Variants in SYNPR observed in about 807,000 individuals in gnomAD.
SYNPR encodes synaptoporin.
SYNPR carries 23 observed loss-of-function variants against 32.9 expected under a neutral mutation model. The ratio of observed to expected loss-of-function variants is 0.70; its 90% confidence interval spans 0.50 to 0.99. SYNPR has a LOEUF of 0.99. Among genes scored for constraint, SYNPR ranks in the 50% least tolerant of loss-of-function variants. The pLI is 0.00. For synonymous variants in SYNPR, 146 were observed against 135.9 expected, an observed-to-expected ratio of 1.07 and a Z score of -0.52; for missense variants, 318 against 349.3, an observed-to-expected ratio of 0.91 and a Z score of 0.71.
At chr3:63,342,909 T>C (rs186258444) in intron 2 of SYNPR, among the ~76,000 whole-genome samples, 79 of 152,350 alleles carry the variant, frequency 5.2e-4, no homozygotes, top group Admixed American at 2.1e-3. Context: ...TGAAAGTTAT[T>C]TCTAGTATTC....
chr3:63,505,810 A>G (rs770652102), intron 3 of SYNPR, among the ~76,000 whole-genome samples: 3 of 152,242 alleles, frequency 2.0e-5, no homozygotes, highest in Admixed American at 6.5e-5. Flanking sequence ...TTTCATTCCA[A>G]TTGGCTGCAT....
At chr3:63,591,543 C>G (rs1699826894) in intron 4 of SYNPR, among the ~76,000 whole-genome samples, 1 of 125,592 alleles carries the variant, frequency 8.0e-6, no homozygotes, top group Non-Finnish European at 1.6e-5. Context: ...ATAGCAAAGA[C>G]TTGGAACCAA....
rs777950200 is a variant in SYNPR, at chr3:63,563,562, T to G, written c.408+6821T>G. On this transcript the variant is annotated intron_variant, in intron 4 of 5. Transcript: ENST00000478300. ...CTCTCCCCAATTCCCCTCTGTCTTC[T>G]TCTCCTTTCCTCTTCTCTCCTCTTT... Among the ~76,000 whole-genome samples the G allele has an allele frequency of 1.8e-4, 28 of 152,302 alleles. 1 individual carries two copies. The South Asian group carries it at 2.1e-3, about 11-fold the overall frequency.
At chr3:63,273,394 C>T (rs2887079), upstream of SYNPR, among the ~76,000 whole-genome samples, 97,256 of 151,934 alleles carry the variant, frequency 0.64, 31,503 homozygotes, top group South Asian at 0.74. Context: ...ACTTACAAGG[C>T]TGATGAGGAA....
intron 2 of SYNPR, among the ~76,000 whole-genome samples, chr3:63,438,422 G>A (rs1016978110): frequency 4.6e-5 from 7 of 152,152 alleles, no homozygotes; most frequent in African/African-American, 9.6e-5. Context: ...TCGAACTCCC[G>A]GCCTTGCCTA....
chr3:63,274,745 T>C (rs1398696796), upstream of SYNPR, among the ~76,000 whole-genome samples: 4 of 152,190 alleles, frequency 2.6e-5, no homozygotes, highest in Non-Finnish European at 4.4e-5. Flanking sequence ...TAATTCTTTG[T>C]TTTGAGTAAC....
At chr3:63,345,640 C>G (rs568780247) in intron 2 of SYNPR, among the ~76,000 whole-genome samples, 20 of 152,252 alleles carry the variant, frequency 1.3e-4, no homozygotes, top group African/African-American at 4.6e-4. Context: ...CTCGCATTGG[C>G]TGACTCCAAC....
chr3:63,582,931 G>C (rs1338805715), intron 4 of SYNPR, among the ~76,000 whole-genome samples: 1 of 152,026 alleles, frequency 6.6e-6, no homozygotes, highest in Non-Finnish European at 1.5e-5. Context: ...TGTCCGTATA[G>C]AAGACCACCT....
At chr3:63,380,836 T>C (rs1307885679) in intron 2 of SYNPR, among the ~76,000 whole-genome samples, 1 of 152,142 alleles carries the variant, frequency 6.6e-6, no homozygotes, top group East Asian at 1.9e-4. Context: ...GAAAAGGCCT[T>C]TGACAAAATT....
chr3:63,265,994 A>G (rs9829040), intron 2 of SYNPR, among the ~76,000 whole-genome samples: 7,426 of 152,272 alleles, frequency 0.049, 239 homozygotes, highest in Middle Eastern at 0.15. Flanking sequence ...AGAGTATTAA[A>G]CATCATCTCT....
chr3:63,509,119 TAC>T (rs972766633), intron 3 of SYNPR, among the ~76,000 whole-genome samples: 38 of 150,150 alleles, frequency 2.5e-4, no homozygotes, highest in Non-Finnish European at 3.4e-4. Flanking sequence ...TATATATATA[TAC>T]ACACACACAC....
rs2087843704 is a variant in SYNPR, at chr3:63,373,274, A to G, written c.84+94532A>G. On this transcript the variant is annotated intron_variant, in intron 2 of 5. Transcript: ENST00000478300. ...TAGAATGCAGAATATGGATAGGAAT[A>G]AAGATTATTGATATTCAGAAGAAAG... 2.0e-5 allele frequency among the ~76,000 whole-genome samples: 3 copies of G among 152,338 alleles called. No individual in the cohort carries two copies. The South Asian group carries it at 6.2e-4, about 32-fold the overall frequency.
chr3:63,210,671 G>C, the SYNPR span, among the ~76,000 whole-genome samples: 3 of 152,174 alleles, frequency 2.0e-5, no homozygotes, highest in African/African-American at 4.8e-5. Context: ...AAGAGAAGAA[G>C]TAAAAACACC....
chr3:63,264,953 A>G lies in SYNPR; in HGVS notation n.155-2364A>G, dbSNP rs562223889. ...GGGGAGCCATGATTCAATTGCTTCC[A>G]CCTGGTCCCGCCCTTGACACGTGGG... On this transcript the variant is annotated intron_variant and non_coding_transcript_variant, in intron 2 of 4. Coordinates refer to the SYNPR transcript ENST00000478456. Among the ~76,000 whole-genome samples the G allele has an allele frequency of 2.4e-4, 36 of 152,076 alleles. No homozygotes were observed. The East Asian group carries it at 7.0e-3, about 29-fold the overall frequency.
At chr3:63,331,409 C>A (rs2087228491) in intron 2 of SYNPR, among the ~76,000 whole-genome samples, 1 of 152,180 alleles carries the variant, frequency 6.6e-6, no homozygotes, top group African/African-American at 2.4e-5. Context: ...CTTTAGAATT[C>A]TTCAAGAATC....
intron 2 of SYNPR, among the ~76,000 whole-genome samples, chr3:63,256,315 C>A (rs764304399): frequency 1.3e-4 from 20 of 152,158 alleles, no homozygotes; most frequent in Non-Finnish European, 2.5e-4. Flanking sequence ...TGGGAGGCAC[C>A]CCCCAGTAGG....
At chr3:63,493,405 C>T (rs1701292932) in intron 3 of SYNPR, among the ~76,000 whole-genome samples, 1 of 152,126 alleles carries the variant, frequency 6.6e-6, no homozygotes. Context: ...AATTCCCCTT[C>T]CAGTATCCCA....
At chr3:63,570,158 C>T (rs1223684318) in intron 4 of SYNPR, among the ~76,000 whole-genome samples, 1 of 152,114 alleles carries the variant, frequency 6.6e-6, no homozygotes, top group African/African-American at 2.4e-5. Flanking sequence ...AAGGCTGATT[C>T]TGGGCTTTAT....
At chr3:63,318,109 C>T (rs2087062199) in intron 2 of SYNPR, among the ~76,000 whole-genome samples, 1 of 152,074 alleles carries the variant, frequency 6.6e-6, no homozygotes, top group East Asian at 1.9e-4. Context: ...TGTAGAGTTT[C>T]TGCTGAGAAA....
Sources: gnomAD v4.1 joint callset for allele counts (sites outside exome capture counted in the v4.1 genomes callset) on GRCh38, gnomAD v4.1.1 for gene constraint, MANE v1.5 for transcripts, NCBI Gene and HGNC (gene_info 2026-07-23, HGNC 2026-07-21) for gene names.